The following AGBL1 variants were observed in gnomAD, a reference collection of about 807,000 sequenced individuals.
AGBL1 encodes cytosolic carboxypeptidase 4.
Under a neutral mutation model 118.9 loss-of-function variants are expected in AGBL1, and 130 were observed. That is an observed-to-expected ratio of 1.09 (90% CI 0.95 to 1.26). The LOEUF (loss-of-function observed/expected upper bound fraction) is 1.26, where lower values mean the gene tolerates loss of function less well. Ranked by LOEUF, AGBL1 falls within the 50% of genes most tolerant of loss-of-function variation. The pLI is 0.00. For missense variants in AGBL1, 1,584 were observed against 1,298.1 expected, an observed-to-expected ratio of 1.22 and a Z score of -3.38; for synonymous variants, 555 against 478.9, an observed-to-expected ratio of 1.16 and a Z score of -2.08.
chr15:86,832,565 C>T (rs968447709), intron 22 of AGBL1, among the ~76,000 whole-genome samples: 2 of 152,178 alleles, frequency 1.3e-5, no homozygotes, highest in South Asian at 2.1e-4. Flanking sequence ...AAAATGTCAC[C>T]AGTCTCTTTG....
chr15:86,676,382 C>T (rs569744301), intron 22 of AGBL1, among the ~76,000 whole-genome samples: 3 of 152,190 alleles, frequency 2.0e-5, no homozygotes, highest in East Asian at 1.9e-4. Flanking sequence ...GGGAGATCAC[C>T]GTGAGCATTT....
At chr15:86,459,983 T>C (rs552051429) in intron 18 of AGBL1, among the ~76,000 whole-genome samples, 13 of 152,212 alleles carry the variant, frequency 8.5e-5, no homozygotes, top group Middle Eastern at 3.4e-3. Context: ...TGAGCATAAT[T>C]GATGGCAAAA....
chr15:86,433,087 C>G (rs150507327), intron 18 of AGBL1, among the ~76,000 whole-genome samples: 1 of 151,978 alleles, frequency 6.6e-6, no homozygotes, highest in Admixed American at 6.6e-5. Context: ...TCTGATAGGC[C>G]GGAGCAGGGT....
chr15:86,588,961 G>A (rs563280099), intron 21 of AGBL1, among the ~76,000 whole-genome samples: 150 of 152,006 alleles, frequency 9.9e-4, no homozygotes, highest in African/African-American at 3.4e-3. Context: ...AACATTTCCC[G>A]TTCATGTATC....
At chr15:86,882,714 A>G (rs1013972182) in intron 22 of AGBL1, among the ~76,000 whole-genome samples, 24 of 152,162 alleles carry the variant, frequency 1.6e-4, no homozygotes, top group Admixed American at 1.2e-3. Flanking sequence ...TGTTTGGATC[A>G]GTCTTGTCTG....
At chr15:86,095,871 A>C (rs1027585217) in intron 1 of AGBL1, among the ~76,000 whole-genome samples, 1 of 152,078 alleles carries the variant, frequency 6.6e-6, no homozygotes, top group Non-Finnish European at 1.5e-5. Flanking sequence ...TTAATTGGCT[A>C]TGTGACCTTA....
chr15:86,825,794 T>C (rs1284977484), intron 22 of AGBL1, among the ~76,000 whole-genome samples: 1 of 151,708 alleles, frequency 6.6e-6, no homozygotes, highest in African/African-American at 2.4e-5. Context: ...GGCTACTTTT[T>C]TTTTAAGTGA....
chr15:86,506,080 T>C (rs780847400), intron 18 of AGBL1, among the ~76,000 whole-genome samples: 2 of 152,212 alleles, frequency 1.3e-5, no homozygotes, highest in South Asian at 4.1e-4. Context: ...ATAAGTCTCA[T>C]AGCGTTTGCT....
At chr15:86,944,860 C>T (rs898194708) in intron 23 of AGBL1, among the ~76,000 whole-genome samples, 7 of 151,974 alleles carry the variant, frequency 4.6e-5, no homozygotes, top group Admixed American at 1.3e-4. Flanking sequence ...ATTTATTGAC[C>T]GAACTAGGAG....
At chr15:86,213,360 G>C (rs1034553187) in intron 5 of AGBL1, among the ~76,000 whole-genome samples, 4 of 152,126 alleles carry the variant, frequency 2.6e-5, no homozygotes, top group Admixed American at 6.5e-5. Flanking sequence ...CAGATCTACT[G>C]AGCACCCACT....
chr15:86,790,472 C>A (rs573519450), intron 22 of AGBL1, among the ~76,000 whole-genome samples: 2 of 152,126 alleles, frequency 1.3e-5, no homozygotes, highest in Non-Finnish European at 2.9e-5. Context: ...TTTGAGCTTC[C>A]TCAGAGCTTG....
intron 1 of AGBL1, among the ~76,000 whole-genome samples, chr15:86,123,623 C>CA (rs1235821281): frequency 6.6e-6 from 1 of 152,156 alleles, no homozygotes; most frequent in African/African-American, 2.4e-5. Context: ...AATTGCCAAT[C>CA]AAAAAATGTT....
intron 5 of AGBL1, among the ~76,000 whole-genome samples, chr15:86,202,763 TG>T (rs1471492125): frequency 1.3e-5 from 2 of 152,228 alleles, no homozygotes; most frequent in Admixed American, 1.3e-4. Flanking sequence ...CTCACCCATA[TG>T]AAACTTGTGG....
At chr15:86,749,613 T>C (rs1231992703) in intron 22 of AGBL1, among the ~76,000 whole-genome samples, 1 of 152,136 alleles carries the variant, frequency 6.6e-6, no homozygotes, top group Admixed American at 6.5e-5. Flanking sequence ...ATGCTTCCAG[T>C]TTTTGCCCAT....
chr15:86,154,442 G>A lies in AGBL1; in HGVS notation c.275G>A (p.Gly92Glu), dbSNP rs746689219. The change falls in exon 4 of 23, where the codon GGA becomes GAA. Residue 92 changes from glycine to glutamate, a missense_variant. Coordinates refer to ENST00000614907, the MANE Select transcript of AGBL1 (RefSeq NM_001386094.1). ...TTTGTGTTCTTAGATAAAAAGATTG[G>A]ACGGAAGGCCCTAGAATTGGAAGCA... ...AKVGLRDKKI[G>E]RKALELEALD... is the part of the protein sequence containing the mutation. 1.9e-5 allele frequency: 30 copies of A among 1,612,252 alleles called. No homozygotes were observed. Among genetic ancestry groups the A allele is most frequent in the African/African-American group, 2.7e-5 (2 of 74,896 alleles).
chr15:86,514,036 A>G (rs1382316864), intron 18 of AGBL1, among the ~76,000 whole-genome samples: 3 of 151,964 alleles, frequency 2.0e-5, no homozygotes, highest in Admixed American at 1.3e-4. Context: ...TGGTATTTAG[A>G]AACTGATATC....
intron 18 of AGBL1, among the ~76,000 whole-genome samples, chr15:86,483,805 C>G (rs746606730): frequency 1.8e-4 from 27 of 152,124 alleles, no homozygotes; most frequent in Non-Finnish European, 3.8e-4. Context: ...AATAAACAAA[C>G]TTCTGCATCC....
intron 1 of AGBL1, among the ~76,000 whole-genome samples, chr15:86,121,193 T>C (rs1200109776): frequency 2.0e-5 from 3 of 152,200 alleles, no homozygotes; most frequent in African/African-American, 7.2e-5. Flanking sequence ...CCGCTGTGCC[T>C]GGCCCACTTT....
intron 22 of AGBL1, among the ~76,000 whole-genome samples, chr15:86,727,240 C>A (rs756659537): frequency 1.3e-5 from 2 of 152,068 alleles, no homozygotes; most frequent in African/African-American, 4.8e-5. Flanking sequence ...ACTCAGGGAC[C>A]TTCCACACCA....
Sources: allele counts gnomAD v4.1 joint callset (sites outside exome capture counted in the v4.1 genomes callset), GRCh38; gene constraint gnomAD v4.1.1; transcripts MANE v1.5; gene names NCBI Gene and HGNC (gene_info 2026-07-23, HGNC 2026-07-21).